The following SCHIP1 variants were observed in gnomAD, a reference collection of about 807,000 sequenced individuals.
The protein encoded by SCHIP1 is schwannomin interacting protein 1.
Under a neutral mutation model 29.7 loss-of-function variants are expected in SCHIP1, and 8 were observed. That is an observed-to-expected ratio of 0.27 (90% CI 0.16 to 0.49). The LOEUF is 0.49. Ranked by LOEUF, SCHIP1 falls within the 20% of genes least tolerant of loss-of-function variation. The probability of loss-of-function intolerance (pLI) is 0.99; values close to 1 mark genes in which losing one functional copy is unlikely to be tolerated. For synonymous variants in SCHIP1, 76 were observed against 94.9 expected, an observed-to-expected ratio of 0.80 and a Z score of 1.16; for missense variants, 193 against 294.6, an observed-to-expected ratio of 0.66 and a Z score of 2.52.
the SCHIP1 span, among the ~76,000 whole-genome samples, chr3:159,286,854 G>T: frequency 6.6e-6 from 1 of 152,086 alleles, no homozygotes; most frequent in Non-Finnish European, 1.5e-5. Context: ...ATGCTTGTTG[G>T]CCACATGTAT....
the SCHIP1 span, among the ~76,000 whole-genome samples, chr3:159,426,304 AAAAG>A: frequency 2.1e-4 from 32 of 152,234 alleles, no homozygotes; most frequent in African/African-American, 7.5e-4. Context: ...AATAAAGAAA[AAAAG>A]AGAGAAGAAT....
intron 5 of SCHIP1, among the ~76,000 whole-genome samples, chr3:159,891,450 A>G (rs760713279): frequency 1.3e-5 from 2 of 152,168 alleles, no homozygotes; most frequent in African/African-American, 2.4e-5. Context: ...TTCTGTCTCT[A>G]TAGATTTCAT....
At position 159,896,688 on chromosome 3, in the gene SCHIP1, C is replaced by T. The variant is rs1362149067; in HGVS notation, c.684-35C>T. On this transcript the variant is annotated intron_variant, in intron 6 of 6. Transcript: ENST00000445224. ...TTGAAAAGCAGTTTGGATCTCTCTA[C>T]ATGATGCTAAATAATTGTATTAATT... 5.1e-6 allele frequency: 8 copies of T among 1,575,244 alleles called. No homozygotes were observed. The South Asian group carries it at 9.6e-5, about 19-fold the overall frequency.
the SCHIP1 span, among the ~76,000 whole-genome samples, chr3:159,557,881 A>C: frequency 1.1e-3 from 166 of 152,354 alleles, no homozygotes; most frequent in African/African-American, 3.8e-3. Flanking sequence ...TAGAAAAATA[A>C]GGCAAATCCC....
chr3:159,569,816 C>T, the SCHIP1 span, among the ~76,000 whole-genome samples: 1 of 152,190 alleles, frequency 6.6e-6, no homozygotes, highest in Non-Finnish European at 1.5e-5. Context: ...TCTCCATATC[C>T]TCTCCAGCAT....
At chr3:159,352,603 G>A in the SCHIP1 span, among the ~76,000 whole-genome samples, 1 of 152,034 alleles carries the variant, frequency 6.6e-6, no homozygotes. Flanking sequence ...GTAGACTTGT[G>A]TAAGCACCAC....
chr3:159,885,432 G>A (rs1346067778), intron 2 of SCHIP1, among the ~76,000 whole-genome samples: 1 of 152,256 alleles, frequency 6.6e-6, no homozygotes, highest in African/African-American at 2.4e-5. Flanking sequence ...TGGCCTGCGA[G>A]TGGCAGCTAC....
chr3:159,751,377 A>C, the SCHIP1 span, among the ~76,000 whole-genome samples: 1 of 152,216 alleles, frequency 6.6e-6, no homozygotes, highest in Non-Finnish European at 1.5e-5. Context: ...CCTCTCCTTC[A>C]GTCTGTTATG....
the SCHIP1 span, among the ~76,000 whole-genome samples, chr3:159,362,638 G>T: frequency 6.6e-6 from 1 of 152,178 alleles, no homozygotes; most frequent in East Asian, 1.9e-4. Flanking sequence ...CACCTCAATT[G>T]CCTGCAGGAA....
chr3:159,672,482 C>T, the SCHIP1 span, among the ~76,000 whole-genome samples: 7 of 152,168 alleles, frequency 4.6e-5, no homozygotes, highest in Non-Finnish European at 1.0e-4. Flanking sequence ...ACTTAAAGCC[C>T]AGGTCAGCCA....
the SCHIP1 span, among the ~76,000 whole-genome samples, chr3:159,322,658 G>T: frequency 6.6e-6 from 1 of 152,186 alleles, no homozygotes. Flanking sequence ...GTGAGGTGGG[G>T]TGGGGTTGCC....
At chr3:159,399,502 T>C in the SCHIP1 span, among the ~76,000 whole-genome samples, 8 of 152,178 alleles carry the variant, frequency 5.3e-5, no homozygotes, top group Non-Finnish European at 8.8e-5. Context: ...GTTGTCTATA[T>C]TAATGTTTGC....
At chr3:159,671,864 C>T in the SCHIP1 span, among the ~76,000 whole-genome samples, 1 of 152,160 alleles carries the variant, frequency 6.6e-6, no homozygotes, top group Non-Finnish European at 1.5e-5. Flanking sequence ...TGCGAGAACC[C>T]AGCTCTGAAT....
the SCHIP1 span, among the ~76,000 whole-genome samples, chr3:159,751,893 C>T: frequency 6.6e-6 from 1 of 152,116 alleles, no homozygotes; most frequent in Non-Finnish European, 1.5e-5. Flanking sequence ...GAGGTGAGCC[C>T]TAGTGGGAGG....
At chr3:159,788,550 G>A in the SCHIP1 span, among the ~76,000 whole-genome samples, 1 of 152,114 alleles carries the variant, frequency 6.6e-6, no homozygotes, top group Non-Finnish European at 1.5e-5. Flanking sequence ...TTGCCCAAAG[G>A]AATTCAGTGG....
At chr3:159,723,309 T>C in the SCHIP1 span, among the ~76,000 whole-genome samples, 1 of 152,238 alleles carries the variant, frequency 6.6e-6, no homozygotes, top group Admixed American at 6.5e-5. Context: ...TTTTTATTAC[T>C]ACAGTTTTGC....
At chr3:159,474,091 A>T in the SCHIP1 span, among the ~76,000 whole-genome samples, 2 of 152,078 alleles carry the variant, frequency 1.3e-5, no homozygotes, top group Admixed American at 6.6e-5. Flanking sequence ...AAGTGTATTG[A>T]TCTCCTTTTA....
chr3:159,596,197 A>C, the SCHIP1 span, among the ~76,000 whole-genome samples: 5 of 152,334 alleles, frequency 3.3e-5, no homozygotes, highest in African/African-American at 1.2e-4. Flanking sequence ...CACATGGAAA[A>C]ATGCTCACCA....
chr3:159,509,702 T>G, the SCHIP1 span, among the ~76,000 whole-genome samples: 76 of 152,340 alleles, frequency 5.0e-4, no homozygotes, highest in African/African-American at 1.8e-3. Context: ...GTCTGTAAAG[T>G]ATTTTATTTC....
Sources: allele counts gnomAD v4.1 joint callset (sites outside exome capture counted in the v4.1 genomes callset), GRCh38; gene constraint gnomAD v4.1.1; transcripts MANE v1.5; gene names NCBI Gene and HGNC (gene_info 2026-07-23, HGNC 2026-07-21).